Variants in PRKAG2 observed in about 807,000 individuals in gnomAD.
PRKAG2 encodes protein kinase AMP-activated non-catalytic subunit gamma 2, also known as 5'-AMP-activated protein kinase subunit gamma-2.
Under a neutral mutation model 69.6 loss-of-function variants are expected in PRKAG2, and 26 were observed. That is an observed-to-expected ratio of 0.37 (90% confidence interval 0.27 to 0.52). The LOEUF is 0.52. PRKAG2 is among the 20% of genes least tolerant of loss of function. The pLI is 0.90. For missense variants in PRKAG2, 557 were observed against 740.0 expected (o/e 0.75, Z 2.87); for synonymous variants, 293 against 285.0 (o/e 1.03, Z -0.28).
intron 5 of PRKAG2, among the ~76,000 whole-genome samples, chr7:151,608,628 C>G (rs1818061465): frequency 6.6e-6 from 1 of 152,114 alleles, no homozygotes; most frequent in Non-Finnish European, 1.5e-5. Flanking sequence ...AAGTACGGAT[C>G]TGAGATGACT....
intron 3 of PRKAG2, among the ~76,000 whole-genome samples, chr7:151,728,677 T>C (rs1429675812): frequency 1.3e-5 from 2 of 152,190 alleles, no homozygotes; most frequent in Non-Finnish European, 2.9e-5. Flanking sequence ...GAATTGTTTG[T>C]CCAGTGTTCA....
intron 3 of PRKAG2, among the ~76,000 whole-genome samples, chr7:151,744,310 G>C (rs766230630): frequency 6.6e-6 from 1 of 152,220 alleles, no homozygotes; most frequent in Non-Finnish European, 1.5e-5. Flanking sequence ...CTAACGTGGT[G>C]CTGGTCCAGG....
At chr7:151,736,986 G>T (rs553982987) in intron 3 of PRKAG2, among the ~76,000 whole-genome samples, 5 of 152,158 alleles carry the variant, frequency 3.3e-5, no homozygotes, top group Non-Finnish European at 7.3e-5. Context: ...CCAAACCGCT[G>T]ATCAAGTAAA....
intron 1 of PRKAG2, among the ~76,000 whole-genome samples, chr7:151,866,642 A>G (rs946401300): frequency 6.6e-6 from 1 of 152,200 alleles, no homozygotes; most frequent in African/African-American, 2.4e-5. Flanking sequence ...TGGGGTGCTT[A>G]TTACAACATA....
rs1334226565 is a variant in PRKAG2 at position 151,614,177 on chromosome 7, G to C, written c.754+17892C>G. On this transcript the variant is annotated intron_variant, in intron 5 of 15. Coordinates refer to ENST00000287878, the MANE Select transcript of PRKAG2 (RefSeq NM_016203.4). The surrounding 1 kb of genome is among the most constrained non-coding windows in gnomAD (Gnocchi z 4.4). ...CAGCACTCCAACACGGCCTGTCAGG[G>C]GAGGTGACGCTGTCTCCAGCTGTGT... is the stretch of plus-strand genomic sequence containing the variant. Among the ~76,000 whole-genome samples, 1 of 152,170 alleles carries C rather than the reference G, an allele frequency of 6.6e-6. No individual in the cohort carries two copies. Among genetic ancestry groups the C allele is most frequent in the South Asian group, 2.1e-4 (1 of 4,822 alleles).
chr7:151,569,507 G>A (rs982679006), intron 10 of PRKAG2, among the ~76,000 whole-genome samples: 1 of 152,228 alleles, frequency 6.6e-6, no homozygotes, highest in Non-Finnish European at 1.5e-5. Flanking sequence ...GGGCCGGCCC[G>A]GCTAGGAGAT....
At chr7:151,754,484 G>A (rs566814104) in intron 3 of PRKAG2, among the ~76,000 whole-genome samples, 2 of 151,292 alleles carry the variant, frequency 1.3e-5, no homozygotes, top group East Asian at 3.9e-4. Flanking sequence ...GTGAGCGGGG[G>A]GCCCAGGGTG....
chr7:151,844,230 C>T (rs1039413831), intron 1 of PRKAG2, among the ~76,000 whole-genome samples: 7 of 152,060 alleles, frequency 4.6e-5, no homozygotes, highest in African/African-American at 1.7e-4. Context: ...TACTACAGAC[C>T]ACAGGCAGGC....
Position 151,835,033 on chromosome 7 carries a change from G to A in PRKAG2, c.114+41474C>T, listed in dbSNP as rs2079116522. ...TCTGTGTCCAGAATCCCCCTCATAC[G>A]CAGATGCCAGCCATGTGGAAAAGGG... On this transcript the variant is annotated intron_variant, in intron 1 of 15. Coordinates refer to ENST00000287878, the MANE Select transcript of PRKAG2 (RefSeq NM_016203.4). This position sits in a 1 kb window ranked among gnomAD's most constrained non-coding sequence, Gnocchi z 4.1. 6.6e-6 allele frequency among the ~76,000 whole-genome samples: 1 copy of A among 152,100 alleles called. No individual in the cohort carries two copies. The highest frequency in any genetic ancestry group is 1.5e-5 in the Non-Finnish European group (1 of 68,026).
chr7:151,659,826 G>GA (rs1830044287), intron 4 of PRKAG2, among the ~76,000 whole-genome samples: 1 of 152,200 alleles, frequency 6.6e-6, no homozygotes, highest in South Asian at 2.1e-4. Context: ...GGCTCCGCTA[G>GA]AAAAAATTCG....
intron 1 of PRKAG2, among the ~76,000 whole-genome samples, chr7:151,808,596 G>A (rs2078244137): frequency 6.6e-6 from 1 of 152,100 alleles, no homozygotes; most frequent in Non-Finnish European, 1.5e-5. Flanking sequence ...GGTTGTTGGG[G>A]GGGCTTGAGG....
intron 9 of PRKAG2, 113 bp from the exon 10 acceptor site, chr7:151,570,338 C>G: frequency 6.5e-6 from 8 of 1,233,744 alleles, no homozygotes; most frequent in Non-Finnish European, 8.9e-6. Flanking sequence ...ATTAAAAACT[C>G]AAATAAAAAG....
At chr7:151,741,640 C>T (rs1041805945) in intron 3 of PRKAG2, among the ~76,000 whole-genome samples, 10 of 150,692 alleles carry the variant, frequency 6.6e-5, no homozygotes, top group African/African-American at 2.5e-4. Context: ...TGCCATTGCA[C>T]TCCAGCCTGG....
intron 3 of PRKAG2, among the ~76,000 whole-genome samples, chr7:151,767,495 T>C (rs1184836328): frequency 1.3e-5 from 2 of 152,234 alleles, no homozygotes; most frequent in Non-Finnish European, 2.9e-5. Context: ...TTTACCATGT[T>C]GGCCAGGCTG....
intron 3 of PRKAG2, among the ~76,000 whole-genome samples, chr7:151,742,991 C>T (rs772301945): frequency 2.4e-4 from 36 of 152,218 alleles, no homozygotes; most frequent in Non-Finnish European, 3.2e-4. Context: ...CATACGTGGG[C>T]GGGGGAAAGT....
chr7:151,854,476 C>G (rs1459827344), intron 1 of PRKAG2, among the ~76,000 whole-genome samples: 1 of 152,218 alleles, frequency 6.6e-6, no homozygotes, highest in Non-Finnish European at 1.5e-5. Flanking sequence ...GCAGCCTTCC[C>G]CCACACATCA....
chr7:151,815,021 C>T (rs1004361206), intron 1 of PRKAG2: 11 of 230,720 alleles, frequency 4.8e-5, no homozygotes, highest in African/African-American at 2.3e-4. Flanking sequence ...ACAACCCCTG[C>T]ACTGTTCCCA....
At chr7:151,611,613 G>A (rs746523100) in intron 5 of PRKAG2, among the ~76,000 whole-genome samples, 3 of 152,144 alleles carry the variant, frequency 2.0e-5, no homozygotes, top group Non-Finnish European at 2.9e-5. Flanking sequence ...CAGCAGAGCC[G>A]AGCCCACCCC....
At position 151,777,172 on chromosome 7, in the gene PRKAG2, G is replaced by A. The variant is rs867616010; in HGVS notation, c.466+3980C>T. Among the ~76,000 whole-genome samples the A allele has an allele frequency of 1.3e-5, 2 of 152,180 alleles. No homozygotes were observed. Among genetic ancestry groups the A allele is most frequent in the Non-Finnish European group, 2.9e-5 (2 of 68,016 alleles). On this transcript the variant is annotated intron_variant, in intron 3 of 15. Transcript: ENST00000287878. The surrounding 1 kb of genome is among the most constrained non-coding windows in gnomAD (Gnocchi z 4.3). The stretch of plus-strand genomic sequence containing the variant: ...ACAGGCCCCAATGGAAGGGGCCATG[G>A]CCAGGTTCAGCATGGGCCCCGAGGT...
Sources: gnomAD v4.1 joint callset for allele counts (sites outside exome capture counted in the v4.1 genomes callset) on GRCh38, gnomAD v4.1.1 for gene constraint, Gnocchi (gnomAD v3.1) non-coding constraint, MANE v1.5 for transcripts, NCBI Gene and HGNC (gene_info 2026-07-23, HGNC 2026-07-21) for gene names.